DCUN1D3: variants seen among roughly 807,000 people sequenced by gnomAD.
DCUN1D3 encodes the protein defective in cullin neddylation 1 domain containing 3.
DCUN1D3 carries 6 observed loss-of-function variants against 24.8 expected under a neutral mutation model. That is an observed-to-expected ratio of 0.24 (90% CI 0.13 to 0.48). The LOEUF is 0.48. DCUN1D3 is among the 20% of genes least tolerant of loss of function. The pLI is 0.99. For synonymous variants in DCUN1D3, 120 were observed against 144.9 expected, an observed-to-expected ratio of 0.83 and a Z score of 1.24; for missense variants, 258 against 379.4, an observed-to-expected ratio of 0.68 and a Z score of 2.66.
intron 1 of DCUN1D3, among the ~76,000 whole-genome samples, chr16:20,868,404 G>A (rs1215088605): frequency 2.6e-4 from 39 of 152,248 alleles, no homozygotes; most frequent in Non-Finnish European, 1.5e-5. Flanking sequence ...GCGCAGTGAT[G>A]AAGAGGATGA....
chr16:20,891,586 T>C (rs568332911), intron 1 of DCUN1D3, among the ~76,000 whole-genome samples: 28 of 152,230 alleles, frequency 1.8e-4, no homozygotes, highest in African/African-American at 6.5e-4. Context: ...GAGGAGGACA[T>C]GTAGGGTAGC....
chr16:20,870,696 G>A (rs893996823), intron 1 of DCUN1D3, among the ~76,000 whole-genome samples: 31 of 152,202 alleles, frequency 2.0e-4, no homozygotes, highest in African/African-American at 7.5e-4. Context: ...TTCCCATCTA[G>A]AATCTATTCA....
intron 1 of DCUN1D3, among the ~76,000 whole-genome samples, chr16:20,870,825 T>C (rs1021352030): frequency 6.6e-6 from 1 of 152,218 alleles, no homozygotes; most frequent in South Asian, 2.1e-4. Context: ...TTTTTATTTC[T>C]TCCTACATAT....
chr16:20,862,928 G>A (rs1022678376), intron 1 of DCUN1D3, among the ~76,000 whole-genome samples: 1 of 152,176 alleles, frequency 6.6e-6, no homozygotes, highest in Non-Finnish European at 1.5e-5. Context: ...ATCAAAGACT[G>A]ACAGAAATAT....
At chr16:20,895,495 GCCACTCCCTGCACCTTCCCATATACTA>G (rs904618976) in intron 1 of DCUN1D3, among the ~76,000 whole-genome samples, 2 of 152,120 alleles carry the variant, frequency 1.3e-5, no homozygotes, top group Non-Finnish European at 2.9e-5. Context: ...GTGCATCACC[GCCACTCCCTGCACCTTCCCATATACTA>G]CCACTTTATG....
At chr16:20,896,087 G>A (rs929835731) in intron 1 of DCUN1D3, among the ~76,000 whole-genome samples, 1 of 152,104 alleles carries the variant, frequency 6.6e-6, no homozygotes, top group Non-Finnish European at 1.5e-5. Context: ...TGCCAAACAT[G>A]CCAAACATGC....
chr16:20,872,501 T>A (rs2081793593), intron 1 of DCUN1D3, among the ~76,000 whole-genome samples: 1 of 151,824 alleles, frequency 6.6e-6, no homozygotes, highest in African/African-American at 2.4e-5. Context: ...TCTAAATCCA[T>A]TAAGACCACA....
At chr16:20,866,925 C>T (rs2081764891) in intron 1 of DCUN1D3, among the ~76,000 whole-genome samples, 1 of 152,218 alleles carries the variant, frequency 6.6e-6, no homozygotes, top group African/African-American at 2.4e-5. Flanking sequence ...TTTCCCCAGG[C>T]TCCATCACAG....
chr16:20,865,356 A>G (rs903371446), intron 1 of DCUN1D3, among the ~76,000 whole-genome samples: 2 of 152,200 alleles, frequency 1.3e-5, no homozygotes, highest in Non-Finnish European at 2.9e-5. Context: ...TGGTTTATTA[A>G]TTATTTATAT....
chr16:20,880,978 C>T (rs1421784175), intron 1 of DCUN1D3, among the ~76,000 whole-genome samples: 1 of 152,022 alleles, frequency 6.6e-6, no homozygotes, highest in East Asian at 1.9e-4. Context: ...GTTTAAATTG[C>T]TTCTTTCAAA....
intron 1 of DCUN1D3, among the ~76,000 whole-genome samples, chr16:20,871,444 T>G (rs979750141): frequency 3.3e-5 from 5 of 152,210 alleles, no homozygotes; most frequent in African/African-American, 1.2e-4. Flanking sequence ...AAAAATCATC[T>G]TAGGTCACAT....
At chr16:20,895,382 C>A (rs1567431856) in intron 1 of DCUN1D3, among the ~76,000 whole-genome samples, 1 of 152,136 alleles carries the variant, frequency 6.6e-6, no homozygotes, top group Admixed American at 6.6e-5. Context: ...TTTGTAGTAG[C>A]CTCCTAACGT....
At chr16:20,880,604 CAAAAAAAAA>C (rs34275241) in intron 1 of DCUN1D3, among the ~76,000 whole-genome samples, 37 of 51,942 alleles carry the variant, frequency 7.1e-4, no homozygotes, top group Middle Eastern at 0.028. Flanking sequence ...GACCCTGTCT[CAAAAAAAAA>C]AAAAAAAAAA....
rs11434602 is a variant in DCUN1D3, at chr16:20,865,082, A to AC, written c.-105-2440dup. On this transcript the variant is annotated intron_variant, in intron 1 of 2. Transcript: ENST00000324344. ...GGTGATGAAATAATATGTACAACAA[A>AC]CCCCCATGACACATGTTTACCTGTG... Among the ~76,000 whole-genome samples the AC allele has an allele frequency of 8.2e-3, 1,243 of 152,006 alleles. 28 individuals carry two copies. Among genetic ancestry groups the AC allele is most frequent in the African/African-American group, 0.028 (1,175 of 41,424 alleles).
At chr16:20,870,330 G>A (rs779519701) in intron 1 of DCUN1D3, among the ~76,000 whole-genome samples, 3 of 152,170 alleles carry the variant, frequency 2.0e-5, no homozygotes, top group African/African-American at 7.2e-5. Context: ...CAAAAGCAGA[G>A]GGAAAGCAGG....
At chr16:20,875,275 A>AG (rs1197742664) in intron 1 of DCUN1D3, among the ~76,000 whole-genome samples, 3 of 151,562 alleles carry the variant, frequency 2.0e-5, no homozygotes, top group African/African-American at 7.3e-5. Context: ...ATCCAACAAT[A>AG]GGGGGTCCAT....
chr16:20,880,979 T>A (rs1341354241), intron 1 of DCUN1D3, among the ~76,000 whole-genome samples: 1 of 152,200 alleles, frequency 6.6e-6, no homozygotes, highest in Non-Finnish European at 1.5e-5. Context: ...TTTAAATTGC[T>A]TCTTTCAAAA....
At chr16:20,888,653 CCA>C (rs922825578) in intron 1 of DCUN1D3, among the ~76,000 whole-genome samples, 1 of 152,016 alleles carries the variant, frequency 6.6e-6, no homozygotes, top group African/African-American at 2.4e-5. Context: ...CAGGGTTTCA[CCA>C]TGTTGCCCAG....
intron 1 of DCUN1D3, among the ~76,000 whole-genome samples, chr16:20,891,564 G>T (rs1040704631): frequency 1.3e-5 from 2 of 152,210 alleles, no homozygotes; most frequent in South Asian, 4.1e-4. Context: ...TCCAAGATGG[G>T]AAGTTGTCAG....
Sources: allele counts gnomAD v4.1 joint callset (sites outside exome capture counted in the v4.1 genomes callset), GRCh38; gene constraint gnomAD v4.1.1; transcripts MANE v1.5; gene names NCBI Gene and HGNC (gene_info 2026-07-23, HGNC 2026-07-21).